Variants in MCOLN2 observed in about 807,000 individuals in gnomAD.
MCOLN2 encodes the protein mucolipin TRP cation channel 2, also known as mucolipin-2.
Under a neutral mutation model 67.5 loss-of-function variants are expected in MCOLN2, and 57 were observed. The ratio of observed to expected loss-of-function variants is 0.84; its 90% CI spans 0.68 to 1.05. The LOEUF is 1.05. MCOLN2 is among the 50% of genes least tolerant of loss of function. The probability of loss-of-function intolerance (pLI) is 0.00; values close to 1 mark genes in which losing one functional copy is unlikely to be tolerated. For missense variants in MCOLN2, 620 were observed against 678.8 expected (o/e 0.91, Z 0.96); for synonymous variants, 246 against 233.3 (o/e 1.05, Z -0.50).
chr1:84,959,565 G>T (rs371779242), intron 2 of MCOLN2, among the ~76,000 whole-genome samples: 4 of 151,908 alleles, frequency 2.6e-5, no homozygotes, highest in African/African-American at 9.7e-5. Flanking sequence ...ACTCTCACAC[G>T]CACATTCACA....
At chr1:84,996,393 C>CATATATATATATATATATATATAT (rs6143310) in intron 1 of MCOLN2, among the ~76,000 whole-genome samples, 15 of 123,940 alleles carry the variant, frequency 1.2e-4, no homozygotes, top group Non-Finnish European at 2.0e-4. Context: ...GTATATATTT[C>CATATATATATATATATATATATAT]ATATATATAT....
At chr1:84,949,806 C>T (rs1648320761) in intron 6 of MCOLN2, among the ~76,000 whole-genome samples, 1 of 151,340 alleles carries the variant, frequency 6.6e-6, no homozygotes, top group Admixed American at 6.6e-5. Flanking sequence ...AACAACAAAA[C>T]TGTCAGTCAA....
chr1:84,987,685 G>GTATAT (rs1650688203), intron 1 of MCOLN2, among the ~76,000 whole-genome samples: 1 of 106,352 alleles, frequency 9.4e-6, no homozygotes, highest in African/African-American at 3.4e-5. Flanking sequence ...TAGATATATA[G>GTATAT]ATGTATAGAT....
At chr1:84,967,208 C>A (rs1649423026) in intron 1 of MCOLN2, among the ~76,000 whole-genome samples, 1 of 152,140 alleles carries the variant, frequency 6.6e-6, no homozygotes, top group African/African-American at 2.4e-5. Flanking sequence ...AGGCACTATG[C>A]CTAATGACAA....
At chr1:84,986,156 A>G (rs751019424) in intron 1 of MCOLN2, among the ~76,000 whole-genome samples, 2 of 152,164 alleles carry the variant, frequency 1.3e-5, no homozygotes, top group Non-Finnish European at 2.9e-5. Context: ...ACAGCCAACT[A>G]ATCTTCGACA....
chr1:84,975,715 CAG>C (rs951940684), intron 1 of MCOLN2, among the ~76,000 whole-genome samples: 2 of 152,086 alleles, frequency 1.3e-5, no homozygotes, highest in Non-Finnish European at 1.5e-5. Flanking sequence ...CTTGGAGAAA[CAG>C]AGACAGGTGA....
intron 6 of MCOLN2, among the ~76,000 whole-genome samples, chr1:84,950,889 C>T (rs1374240041): frequency 6.6e-6 from 1 of 152,106 alleles, no homozygotes; most frequent in African/African-American, 2.4e-5. Context: ...CCAGGAGAGC[C>T]CCTAAAATGC....
chr1:84,963,008 A>C (rs575183778), intron 2 of MCOLN2, among the ~76,000 whole-genome samples: 1 of 152,228 alleles, frequency 6.6e-6, no homozygotes, highest in Non-Finnish European at 1.5e-5. Flanking sequence ...ATATTCCAAC[A>C]CTGCAAACTC....
At chr1:84,963,446 G>A (rs913711423) in intron 2 of MCOLN2, among the ~76,000 whole-genome samples, 4 of 152,178 alleles carry the variant, frequency 2.6e-5, no homozygotes, top group Non-Finnish European at 5.9e-5. Context: ...TTTGAAGGAA[G>A]AATCAATAAG....
chr1:84,994,356 TCTC>T (rs1233987665), intron 1 of MCOLN2, among the ~76,000 whole-genome samples: 2 of 52,568 alleles, frequency 3.8e-5, no homozygotes, highest in East Asian at 2.8e-3. Flanking sequence ...TGGCTTGTCC[TCTC>T]TACTAGGAAA....
chr1:84,982,187 C>T (rs763224455), intron 1 of MCOLN2, among the ~76,000 whole-genome samples: 1 of 151,770 alleles, frequency 6.6e-6, no homozygotes, highest in Non-Finnish European at 1.5e-5. Flanking sequence ...AAATCTACTA[C>T]TGCTAAATGA....
At chr1:84,976,412 T>G (rs771985698) in intron 1 of MCOLN2, among the ~76,000 whole-genome samples, 4 of 152,170 alleles carry the variant, frequency 2.6e-5, no homozygotes, top group African/African-American at 4.8e-5. Flanking sequence ...GGAGAAAAAC[T>G]TTTATTCTAG....
rs1481961383 is a variant in MCOLN2 at position 84,957,145 on chromosome 1, A to C, written c.412-561T>G. Among the ~76,000 whole-genome samples, 3 of 152,310 alleles carry C rather than the reference A, an allele frequency of 2.0e-5. No individual in the cohort carries two copies. The East Asian group carries it at 5.8e-4, about 29-fold the overall frequency. ...AAATAAAAATAAAATAAATGCAGTA[A>C]AAAAGAAAGAAAGAAAGAAAATCAC... is the stretch of plus-strand genomic sequence containing the variant. On this transcript the variant is annotated intron_variant, in intron 3 of 13. Transcript: ENST00000370608.
At chr1:84,936,653 T>C (rs1322235850) in intron 11 of MCOLN2, among the ~76,000 whole-genome samples, 1 of 152,178 alleles carries the variant, frequency 6.6e-6, no homozygotes, top group Non-Finnish European at 1.5e-5. Context: ...GGAAAAACAG[T>C]AATTCTCTCT....
At chr1:84,996,775 G>A (rs1294258061) in intron 1 of MCOLN2, 21 bp downstream of exon 1, 4 of 1,607,508 alleles carry the variant, frequency 2.5e-6, no homozygotes, top group East Asian at 2.2e-5. Context: ...CATCCTGAAA[G>A]ATGAAGCCCA....
chr1:84,970,529 A>T (rs561318258), intron 1 of MCOLN2, among the ~76,000 whole-genome samples: 49 of 151,848 alleles, frequency 3.2e-4, no homozygotes, highest in African/African-American at 8.4e-4. Context: ...AAAAAAAAAA[A>T]AATAACAGGC....
chr1:84,931,431 G>A lies in MCOLN2; in HGVS notation c.1473C>T (p.Ile491=). The A allele has an allele frequency of 3.1e-6, 5 of 1,605,778 alleles. No individual in the cohort carries two copies. The highest frequency in any genetic ancestry group is 4.3e-6 in the Non-Finnish European group (5 of 1,172,508). The change falls in exon 12 of 14, where the codon ATC becomes ATT. Residue 491 remains isoleucine (I), a synonymous_variant. Transcript: ENST00000370608. ...TGAGAATCATATATATAAAAAGGCT[G>A]ATGAAGGAATATAAATACAGACGAC... ...LFSRLYLYSF[I]SLFIYMILSL...
At chr1:84,956,282 C>T (rs922210935) in intron 4 of MCOLN2, 149 bp downstream of exon 4, 2 of 677,108 alleles carry the variant, frequency 3.0e-6, no homozygotes. Context: ...AGCCAAAGCC[C>T]CTCTGCAGGC....
rs77198243 is a variant in MCOLN2 at position 84,992,372 on chromosome 1, C to T, written c.77+4424G>A. ...AGGGAAAAGGAATATGGACAACATT[C>T]GCTGGACACAGTCTCTCATACCAGG... is the stretch of plus-strand genomic sequence containing the variant. On this transcript the variant is annotated intron_variant, in intron 1 of 13. Transcript: ENST00000370608. 2.4e-3 allele frequency among the ~76,000 whole-genome samples: 358 copies of T among 152,234 alleles called. 2 individuals carry two copies. In the East Asian group the frequency reaches 0.033, roughly 14 times the overall value.
Sources: gnomAD v4.1 joint callset for allele counts (sites outside exome capture counted in the v4.1 genomes callset) on GRCh38, gnomAD v4.1.1 for gene constraint, MANE v1.5 for transcripts, NCBI Gene and HGNC (gene_info 2026-07-23, HGNC 2026-07-21) for gene names.